RALGPS1: variants seen among roughly 807,000 people sequenced by gnomAD.
RALGPS1 encodes the protein ras-specific guanine nucleotide-releasing factor RalGPS1.
RALGPS1 carries 19 observed loss-of-function variants against 78.8 expected under a neutral mutation model. That is an observed-to-expected ratio of 0.24 (90% CI 0.17 to 0.35). The LOEUF is 0.35. RALGPS1 is among the 10% of genes least tolerant of loss of function. RALGPS1 has a pLI of 1.00. For synonymous variants in RALGPS1, 228 were observed against 256.3 expected, an observed-to-expected ratio of 0.89 and a Z score of 1.06; for missense variants, 454 against 688.3, an observed-to-expected ratio of 0.66 and a Z score of 3.81.
At chr9:126,976,643 ACCCAAG>A (rs2040682585) in intron 3 of RALGPS1, among the ~76,000 whole-genome samples, 1 of 152,126 alleles carries the variant, frequency 6.6e-6, no homozygotes, top group Non-Finnish European at 1.5e-5. Flanking sequence ...CCAGACACAC[ACCCAAG>A]CCCTGTAGAC....
chr9:127,218,659 T>TGA lies in RALGPS1; in HGVS notation c.1645-80_1645-79insAG. 7.0e-7 allele frequency: 1 copy of TGA among 1,430,806 alleles called. No individual in the cohort carries two copies. The highest frequency in any genetic ancestry group is 9.9e-7 in the Non-Finnish European group (1 of 1,013,072). The allele number at this position is 1,430,806 out of a possible 1,614,324, so 88.6% of individuals were successfully genotyped here. ...ATTCCCAGACTCACGGGGAAAGGCC[T>TGA]GTCCCTTCCCCTAGGGACCACCACC... On this transcript the variant is annotated intron_variant, in intron 18 of 18. Coordinates refer to ENST00000259351, the MANE Select transcript of RALGPS1 (RefSeq NM_014636.3). This position sits in a 1 kb window ranked among gnomAD's most constrained non-coding sequence, Gnocchi z 4.4.
At chr9:127,161,790 C>T (rs7036038) in intron 8 of RALGPS1, among the ~76,000 whole-genome samples, 68,946 of 152,040 alleles carry the variant, frequency 0.45, 16,329 homozygotes, top group South Asian at 0.63. Context: ...AAAGAAGAAC[C>T]GCCCATAGAC....
chr9:127,095,009 A>G (rs2052947178), intron 8 of RALGPS1, among the ~76,000 whole-genome samples: 1 of 152,172 alleles, frequency 6.6e-6, no homozygotes, highest in African/African-American at 2.4e-5. Context: ...GGCCTTTCTC[A>G]TTGATCTGAG....
intron 2 of RALGPS1, among the ~76,000 whole-genome samples, chr9:126,965,142 T>C (rs1376770357): frequency 1.3e-5 from 2 of 152,208 alleles, no homozygotes; most frequent in East Asian, 3.8e-4. Flanking sequence ...GACTCTTTCA[T>C]ATACATGCAG....
intron 8 of RALGPS1, among the ~76,000 whole-genome samples, chr9:127,094,932 T>C (rs1216261619): frequency 1.3e-5 from 2 of 152,232 alleles, no homozygotes; most frequent in Non-Finnish European, 2.9e-5. Flanking sequence ...CAGTTTCTTA[T>C]GTTCCATTGT....
intron 1 of RALGPS1, among the ~76,000 whole-genome samples, chr9:126,933,501 A>G (rs1195310170): frequency 6.6e-6 from 1 of 152,118 alleles, no homozygotes; most frequent in Non-Finnish European, 1.5e-5. Context: ...GTTGCCAGAG[A>G]AGGGGCTGAC....
intron 4 of RALGPS1, among the ~76,000 whole-genome samples, chr9:127,028,423 G>T (rs2046141087): frequency 6.6e-6 from 1 of 152,340 alleles, no homozygotes; most frequent in South Asian, 2.1e-4. Context: ...CACTGTGAGG[G>T]TTCTGTGAGG....
chr9:126,976,945 A>ATG (rs538252043), intron 3 of RALGPS1, among the ~76,000 whole-genome samples: 136 of 152,304 alleles, frequency 8.9e-4, no homozygotes, highest in African/African-American at 3.2e-3. Context: ...TTTTAACCTG[A>ATG]TGTGTGTCTT....
chr9:127,057,870 T>G (rs1307643020), intron 7 of RALGPS1, among the ~76,000 whole-genome samples: 4 of 152,212 alleles, frequency 2.6e-5, no homozygotes, highest in African/African-American at 9.7e-5. Context: ...AATAAATGTT[T>G]ATTGAATACA....
chr9:127,220,072 A>G lies in RALGPS1; in HGVS notation c.*1303A>G, dbSNP rs1588630852. The G allele has an allele frequency of 6.6e-6, 1 of 152,654 alleles. No homozygotes were observed. The highest frequency in any genetic ancestry group is 2.1e-4 in the South Asian group (1 of 4,826). The allele number at this position is 152,654 out of a possible 1,614,324, so 9.5% of individuals were successfully genotyped here. On this transcript the variant is annotated 3_prime_UTR_variant, in exon 19 of 19. Transcript: ENST00000259351. ...TTTAAAGTGACTTTTATTTTGCACA[A>G]ATAATTTTTATTCAGAATAATAAAT...
chr9:127,214,604 T>TG lies in RALGPS1; in HGVS notation c.1553-145dup, dbSNP rs1019191188. On this transcript the variant is annotated intron_variant, in intron 17 of 18. Coordinates refer to ENST00000259351, the MANE Select transcript of RALGPS1 (RefSeq NM_014636.3). The stretch of plus-strand genomic sequence containing the variant: ...CCAAAGAGACCACTGGAGGGAGCCC[T>TG]GGAGGCTGCTTTCTCTGCATGTTCC... The TG allele has an allele frequency of 1.9e-5, 24 of 1,293,654 alleles. No individual in the cohort carries two copies. The African/African-American group carries it at 2.6e-4, about 14-fold the overall frequency. The allele number at this position is 1,293,654 out of a possible 1,614,324, so 80.1% of individuals were successfully genotyped here.
intron 11 of RALGPS1, among the ~76,000 whole-genome samples, chr9:127,191,206 G>A (rs1281805135): frequency 6.6e-6 from 1 of 152,086 alleles, no homozygotes; most frequent in African/African-American, 2.4e-5. Context: ...TTTTGATGTC[G>A]TTTTTGGTCG....
chr9:127,046,342 TA>T (rs2135193203), intron 5 of RALGPS1, among the ~76,000 whole-genome samples: 1 of 152,312 alleles, frequency 6.6e-6, no homozygotes, highest in African/African-American at 2.4e-5. Context: ...GTAAATTGTG[TA>T]ACCAATTCCC....
At chr9:127,209,826 C>T (rs1022386402) in intron 14 of RALGPS1, among the ~76,000 whole-genome samples, 13 of 152,318 alleles carry the variant, frequency 8.5e-5, no homozygotes, top group Non-Finnish European at 1.5e-4. Flanking sequence ...CACAGAGCAA[C>T]GGCTGACCAT....
At chr9:127,184,245 A>G in intron 11 of RALGPS1, 6 of 513,800 alleles carry the variant, frequency 1.2e-5, no homozygotes, top group Non-Finnish European at 2.1e-5. Context: ...GCTTGATCCC[A>G]GGAGGGGGAG....
In RALGPS1 at chr9:127,183,981, C is replaced by T. The variant is rs1408649097; in HGVS notation, c.910+9199C>T. On this transcript the variant is annotated intron_variant, in intron 11 of 18. Transcript: ENST00000259351. The surrounding 1 kb of genome is among the most constrained non-coding windows in gnomAD (Gnocchi z 4.0). ...CCCAGCTCCTCACGAGTACCAGCGG[C>T]TCCCCCAGCATCTGCTGCTCCGCGC... 1.3e-6 allele frequency: 2 copies of T among 1,550,260 alleles called. No individual in the cohort carries two copies. Among genetic ancestry groups the T allele is most frequent in the Non-Finnish European group, 8.7e-7 (1 of 1,146,934 alleles).
intron 14 of RALGPS1, 69 bp downstream of exon 14, chr9:127,199,135 C>G: frequency 6.8e-7 from 1 of 1,481,392 alleles, no homozygotes. Flanking sequence ...CGAAGACAGG[C>G]CCCGGGCAGG....
intron 12 of RALGPS1, 102 bp downstream of exon 12, chr9:127,195,319 C>T: frequency 6.8e-7 from 1 of 1,461,946 alleles, no homozygotes; most frequent in Non-Finnish European, 9.2e-7. Flanking sequence ...CCTCCCCTGC[C>T]CTGTTCTGGG....
rs1272211934 is a variant in RALGPS1, at chr9:127,214,795, C to T, written c.1597C>T (p.Leu533=). The T allele has an allele frequency of 1.2e-6, 2 of 1,611,906 alleles. No individual in the cohort carries two copies. The highest frequency in any genetic ancestry group is 2.2e-5 in the East Asian group (1 of 44,682). ...GACTGGTTCCCGATTTCATGCAATACTGTGGCACAAGCATTTGGATGATGC... is the reference window on the plus strand; with the variant it reads ...GACTGGTTCCCGATTTCATGCAATATTGTGGCACAAGCATTTGGATGATGC... The part of the protein sequence containing the change: ...FQTGSRFHAI[L]WHKHLDDACK... Residue 533 remains leucine, a synonymous_variant, in exon 18 of 19, where the codon CTG becomes TTG. Transcript: ENST00000259351.
Sources: allele counts gnomAD v4.1 joint callset (sites outside exome capture counted in the v4.1 genomes callset), GRCh38; gene constraint gnomAD v4.1.1; non-coding constraint Gnocchi (gnomAD v3.1); transcripts MANE v1.5; gene names NCBI Gene and HGNC (gene_info 2026-07-23, HGNC 2026-07-21).